The following PCLO variants were observed in gnomAD, a reference collection of about 807,000 sequenced individuals.
PCLO encodes protein piccolo.
PCLO carries 82 observed loss-of-function variants against 427.5 expected under a neutral mutation model. The observed-to-expected ratio is 0.19, with a 90% CI of 0.16 to 0.23. PCLO has a LOEUF of 0.23. PCLO is among the 10% of genes least tolerant of loss of function. PCLO has a pLI of 1.00. For synonymous variants in PCLO, 2,357 were observed against 2,155.4 expected, an observed-to-expected ratio of 1.09 and a Z score of -2.59; for missense variants, 6,239 against 6,115.9, an observed-to-expected ratio of 1.02 and a Z score of -0.67.
intron 3 of PCLO, among the ~76,000 whole-genome samples, chr7:83,030,904 T>C (rs956782321): frequency 2.6e-5 from 4 of 152,180 alleles, no homozygotes; most frequent in Admixed American, 2.0e-4. Context: ...GTAAAACTTT[T>C]ATTAATTTTT....
intron 9 of PCLO, among the ~76,000 whole-genome samples, chr7:82,898,731 A>T (rs1793966345): frequency 6.6e-6 from 1 of 151,456 alleles, no homozygotes; most frequent in Admixed American, 6.6e-5. Flanking sequence ...TACTGTGAAC[A>T]TGAAAAAGAA....
intron 9 of PCLO, among the ~76,000 whole-genome samples, chr7:82,892,192 G>A (rs1258649783): frequency 6.6e-6 from 1 of 152,132 alleles, no homozygotes; most frequent in Non-Finnish European, 1.5e-5. Flanking sequence ...CAAGGCTACA[G>A]TAACCAAAAC....
At chr7:82,861,045 A>C (rs191739028) in intron 10 of PCLO, among the ~76,000 whole-genome samples, 5 of 152,174 alleles carry the variant, frequency 3.3e-5, no homozygotes. Flanking sequence ...GGAAGGAAAG[A>C]AAGGAGGAAG....
intron 22 of PCLO, among the ~76,000 whole-genome samples, chr7:82,793,549 T>C (rs538735798): frequency 1.3e-5 from 2 of 152,276 alleles, no homozygotes; most frequent in East Asian, 1.9e-4. Context: ...ATCTCTAAAC[T>C]TCTCTAGTTT....
At chr7:82,902,948 T>C (rs1562847139) in intron 8 of PCLO, among the ~76,000 whole-genome samples, 1 of 152,052 alleles carries the variant, frequency 6.6e-6, no homozygotes, top group Non-Finnish European at 1.5e-5. Context: ...TTTGCATTTA[T>C]AACCAATTGC....
intron 9 of PCLO, among the ~76,000 whole-genome samples, chr7:82,882,740 C>T (rs1793538130): frequency 6.6e-6 from 1 of 152,024 alleles, no homozygotes; most frequent in African/African-American, 2.4e-5. Context: ...CAATTTAAGT[C>T]TCTATGTACA....
intron 3 of PCLO, among the ~76,000 whole-genome samples, chr7:82,994,805 G>A (rs1158058874): frequency 6.6e-6 from 1 of 151,886 alleles, no homozygotes; most frequent in Non-Finnish European, 1.5e-5. Context: ...ACTGAAGGTA[G>A]TGGGGAAAAA....
rs769118461 is a variant in PCLO, at chr7:82,953,796, A to G, written c.7157T>C (p.Leu2386Pro). ...AAAGAATGGGCGAGGTTTAGCTGGA[A>G]GAGAGGAAACAGAAGGACTGCCAGA... ...LPSGSPSVSS[L>P]PAKPRPFFRS... Residue 2386 changes from leucine to proline, a missense_variant, in exon 5 of 25, where the codon CTT becomes CCT. Leu to Pro is a moderately conservative substitution (Grantham distance 98, BLOSUM62 -3). Coordinates refer to ENST00000333891, the MANE Select transcript of PCLO (RefSeq NM_033026.6). The G allele has an allele frequency of 1.3e-6, 2 of 1,599,394 alleles. No individual in the cohort carries two copies. Among genetic ancestry groups the G allele is most frequent in the East Asian group, 2.3e-5 (1 of 44,398 alleles).
At chr7:83,008,989 C>CA (rs200010496) in intron 3 of PCLO, among the ~76,000 whole-genome samples, 3 of 150,740 alleles carry the variant, frequency 2.0e-5, no homozygotes, top group Admixed American at 6.6e-5. Flanking sequence ...ATATAAAGGC[C>CA]AAAAAAAAGT....
At chr7:82,902,367 A>C (rs1794065106) in intron 9 of PCLO, among the ~76,000 whole-genome samples, 1 of 151,910 alleles carries the variant, frequency 6.6e-6, no homozygotes, top group Non-Finnish European at 1.5e-5. Flanking sequence ...ACAGATGGGA[A>C]TTGAACAATG....
intron 10 of PCLO, among the ~76,000 whole-genome samples, chr7:82,857,312 A>G (rs1313196630): frequency 6.6e-6 from 1 of 152,156 alleles, no homozygotes; most frequent in Non-Finnish European, 1.5e-5. Flanking sequence ...TAGGAATGAG[A>G]AATGCTTGCC....
intron 10 of PCLO, among the ~76,000 whole-genome samples, chr7:82,854,221 C>T (rs551502243): frequency 2.6e-5 from 4 of 152,044 alleles, no homozygotes; most frequent in South Asian, 2.1e-4. Flanking sequence ...TCTTTTCTCT[C>T]GGCATTGTTA....
chr7:82,974,651 G>A (rs1417113197), intron 3 of PCLO, among the ~76,000 whole-genome samples: 1 of 151,878 alleles, frequency 6.6e-6, no homozygotes, highest in Non-Finnish European at 1.5e-5. Context: ...TTATAAGTGT[G>A]GTATAAAAAT....
At position 82,953,780 on chromosome 7, in the gene PCLO, G is replaced by T; in HGVS notation, c.7173C>A (p.Arg2391=). 6.3e-7 allele frequency: 1 copy of T among 1,580,206 alleles called. No homozygotes were observed. The highest frequency in any genetic ancestry group is 8.6e-7 in the Non-Finnish European group (1 of 1,162,252). Residue 2391 remains arginine (R), a synonymous_variant, in exon 5 of 25, where the codon CGC becomes CGA. Coordinates refer to ENST00000333891, the MANE Select transcript of PCLO (RefSeq NM_033026.6). The part of the protein sequence containing the change: ...PSVSSLPAKP[R]PFFRSSSLDI... Reference sequence around the variant, plus strand: ...CCAAAGAAGAACTTCTAAAGAATGGGCGAGGTTTAGCTGGAAGAGAGGAAA... The same window carrying T: ...CCAAAGAAGAACTTCTAAAGAATGGTCGAGGTTTAGCTGGAAGAGAGGAAA...
chr7:82,854,576 G>T (rs1792752705), intron 10 of PCLO, among the ~76,000 whole-genome samples: 1 of 151,910 alleles, frequency 6.6e-6, no homozygotes. Context: ...CTACTCTTTT[G>T]CTTTAAGTCA....
rs1385252322 is a variant in PCLO, at chr7:82,755,406, G to A, written c.*3169C>T. 6.6e-6 allele frequency: 1 copy of A among 151,942 alleles called. No homozygotes were observed. 9.4% of individuals were successfully genotyped at this position (151,942 alleles called of 1,614,324 possible). On this transcript the variant is annotated 3_prime_UTR_variant, in exon 25 of 25. Coordinates refer to ENST00000333891, the MANE Select transcript of PCLO (RefSeq NM_033026.6). ...TAAAAACAGAGAAAACACCAACTTC[G>A]TGCTACTAGGGTTATTTGTGTCTGT... is the stretch of plus-strand genomic sequence containing the variant.
chr7:83,133,817 G>A (rs1185452277), intron 3 of PCLO, among the ~76,000 whole-genome samples: 1 of 151,928 alleles, frequency 6.6e-6, no homozygotes, highest in East Asian at 1.9e-4. Context: ...TTTTATTAAT[G>A]TATTACAGAG....
At chr7:83,093,801 T>C (rs1483656366) in intron 3 of PCLO, among the ~76,000 whole-genome samples, 2 of 83,026 alleles carry the variant, frequency 2.4e-5, no homozygotes, top group Non-Finnish European at 4.2e-5. Context: ...CCACCACAAA[T>C]ATTAAAAAAA....
chr7:82,808,824 T>C (rs1791509239), intron 20 of PCLO, among the ~76,000 whole-genome samples: 1 of 151,944 alleles, frequency 6.6e-6, no homozygotes, highest in Non-Finnish European at 1.5e-5. Context: ...TAACTTGGTA[T>C]CTAAGTGTAG....
Sources: allele counts gnomAD v4.1 joint callset (sites outside exome capture counted in the v4.1 genomes callset), GRCh38; gene constraint gnomAD v4.1.1; transcripts MANE v1.5; gene names NCBI Gene and HGNC (gene_info 2026-07-23, HGNC 2026-07-21).